PTPRT: variants seen among roughly 807,000 people sequenced by gnomAD.
The protein encoded by PTPRT is protein tyrosine phosphatase receptor type T.
Under a neutral mutation model 176.8 loss-of-function variants are expected in PTPRT, and 56 were observed. The observed-to-expected ratio is 0.32, with a 90% CI of 0.26 to 0.40. The LOEUF is 0.40. Ranked by LOEUF, PTPRT falls within the 10% of genes least tolerant of loss-of-function variation. The pLI is 1.00. For missense variants in PTPRT, 1,540 were observed against 1,908.2 expected, an observed-to-expected ratio of 0.81 and a Z score of 3.60; for synonymous variants, 783 against 739.0, an observed-to-expected ratio of 1.06 and a Z score of -0.96.
intron 2 of PTPRT, among the ~76,000 whole-genome samples, chr20:42,860,220 C>T (rs1489082995): frequency 6.6e-6 from 1 of 152,186 alleles, no homozygotes; most frequent in Non-Finnish European, 1.5e-5. Flanking sequence ...CACACACACA[C>T]AAACACACAC....
In PTPRT at chr20:42,079,995, T is replaced by C. The variant is rs1210921361; in HGVS notation, c.*884A>G. On this transcript the variant is annotated 3_prime_UTR_variant, in exon 31 of 31. Transcript: ENST00000373187. Reference sequence around the variant, plus strand: ...AAGAAAGTTTCTTTTCACATACACTTTGGAAAATAATCAAATCTTATCTTG... The same window carrying C: ...AAGAAAGTTTCTTTTCACATACACTCTGGAAAATAATCAAATCTTATCTTG... 1 of 232,176 alleles carries C rather than the reference T, an allele frequency of 4.3e-6. No homozygotes were observed. The highest frequency in any genetic ancestry group is 2.2e-5 in the African/African-American group (1 of 45,256). 14.4% of individuals were successfully genotyped at this position (232,176 alleles called of 1,614,324 possible). A position where few individuals can be genotyped will look rare whatever the true frequency, so the allele number is the denominator to read the frequency against.
chr20:42,734,820 A>G (rs1472279292), intron 6 of PTPRT, among the ~76,000 whole-genome samples: 1 of 152,194 alleles, frequency 6.6e-6, no homozygotes, highest in African/African-American at 2.4e-5. Context: ...GGATGGCAGC[A>G]GGCAACAGAG....
intron 7 of PTPRT, among the ~76,000 whole-genome samples, chr20:42,550,957 C>T (rs1457504139): frequency 6.6e-6 from 1 of 152,100 alleles, no homozygotes; most frequent in South Asian, 2.1e-4. Context: ...ATGTGGTCAT[C>T]GGAATTGGAC....
chr20:42,827,773 C>A (rs531238872), intron 2 of PTPRT, among the ~76,000 whole-genome samples: 11 of 124,222 alleles, frequency 8.9e-5, no homozygotes, highest in Admixed American at 7.7e-4. Flanking sequence ...AAGGAGATGG[C>A]CCCCTTTTTC....
intron 7 of PTPRT, among the ~76,000 whole-genome samples, chr20:42,593,638 C>A (rs2073618558): frequency 6.6e-6 from 1 of 152,178 alleles, no homozygotes; most frequent in Non-Finnish European, 1.5e-5. Context: ...TGCTTGGAAT[C>A]ACATTAAGAT....
At chr20:42,507,879 T>A (rs2071876086) in intron 7 of PTPRT, among the ~76,000 whole-genome samples, 1 of 148,314 alleles carries the variant, frequency 6.7e-6, no homozygotes, top group African/African-American at 2.5e-5. Flanking sequence ...CAGCACAAAA[T>A]AACCTTCTAG....
Position 42,345,425 on chromosome 20 carries a change from CAT to C in PTPRT, c.1865+5201_1865+5202del, listed in dbSNP as rs529632218. Among the ~76,000 whole-genome samples the C allele has an allele frequency of 2.5e-3, 362 of 146,558 alleles. 2 individuals are homozygous for C. The highest frequency in any genetic ancestry group is 8.6e-3 in the African/African-American group (342 of 39,694). ...TATAAAACTAGTTACTATAGATATA[CAT>C]ATATATATAAAACTAGTTACTATAG... is the stretch of plus-strand genomic sequence containing the variant. On this transcript the variant is annotated intron_variant, in intron 11 of 30. Coordinates refer to ENST00000373187, the MANE Select transcript of PTPRT (RefSeq NM_007050.6).
chr20:42,868,195 T>C (rs941993058), intron 2 of PTPRT, among the ~76,000 whole-genome samples: 2 of 152,120 alleles, frequency 1.3e-5, no homozygotes, highest in Admixed American at 6.5e-5. Context: ...CTGGCAAAGG[T>C]TCAAAAGAAG....
At chr20:42,563,274 A>G (rs952808429) in intron 7 of PTPRT, among the ~76,000 whole-genome samples, 3 of 152,206 alleles carry the variant, frequency 2.0e-5, no homozygotes, top group Admixed American at 6.5e-5. Flanking sequence ...AAGGTCCAAT[A>G]AGCAAGAAAA....
intron 2 of PTPRT, among the ~76,000 whole-genome samples, chr20:42,861,838 G>A (rs2078666648): frequency 6.6e-6 from 1 of 151,990 alleles, no homozygotes; most frequent in Non-Finnish European, 1.5e-5. Flanking sequence ...CTTGAGACAG[G>A]AGAGAGCCTG....
intron 2 of PTPRT, among the ~76,000 whole-genome samples, chr20:42,809,131 AG>A (rs1360986668): frequency 6.6e-6 from 1 of 152,156 alleles, no homozygotes; most frequent in Non-Finnish European, 1.5e-5. Context: ...GAGATTAGTT[AG>A]GGGGTTGAAT....
chr20:42,469,599 G>A (rs758380127), intron 8 of PTPRT, among the ~76,000 whole-genome samples: 2 of 152,132 alleles, frequency 1.3e-5, no homozygotes, highest in South Asian at 2.1e-4. Flanking sequence ...GTCTGACAGC[G>A]CACAATTCTA....
intron 1 of PTPRT, among the ~76,000 whole-genome samples, chr20:43,120,553 G>A (rs1397609227): frequency 6.6e-6 from 1 of 152,226 alleles, no homozygotes; most frequent in African/African-American, 2.4e-5. Context: ...TTGCAGGCGT[G>A]AGCCACCACA....
intron 7 of PTPRT, among the ~76,000 whole-genome samples, chr20:42,622,951 A>G (rs977694981): frequency 2.0e-5 from 3 of 152,168 alleles, no homozygotes; most frequent in African/African-American, 2.4e-5. Context: ...ATGTCCCCCT[A>G]TCTTGCATCC....
intron 7 of PTPRT, among the ~76,000 whole-genome samples, chr20:42,614,622 C>T (rs2074034574): frequency 6.6e-6 from 1 of 152,138 alleles, no homozygotes; most frequent in Admixed American, 6.6e-5. Context: ...AATGATCTTA[C>T]CTCCTACTTC....
At chr20:42,050,864 C>G in the PTPRT span, among the ~76,000 whole-genome samples, 1 of 152,180 alleles carries the variant, frequency 6.6e-6, no homozygotes, top group Non-Finnish European at 1.5e-5. Flanking sequence ...CTGGCTATTA[C>G]TGACATGTCA....
chr20:42,640,549 C>A (rs2074719869), intron 7 of PTPRT, among the ~76,000 whole-genome samples: 2 of 152,044 alleles, frequency 1.3e-5, no homozygotes, highest in South Asian at 4.2e-4. Flanking sequence ...TTACCATGCC[C>A]AGCTAATTTT....
intron 9 of PTPRT, among the ~76,000 whole-genome samples, chr20:42,366,511 T>C (rs1461133311): frequency 2.0e-5 from 3 of 152,234 alleles, no homozygotes; most frequent in Admixed American, 6.5e-5. Context: ...TACCTTGTCA[T>C]TGACCACTCT....
chr20:43,035,096 T>G (rs1189204436), intron 1 of PTPRT, among the ~76,000 whole-genome samples: 4 of 152,162 alleles, frequency 2.6e-5, no homozygotes. Context: ...TTGGCTGGGC[T>G]TGGGCACCCA....
Sources: allele counts gnomAD v4.1 joint callset (sites outside exome capture counted in the v4.1 genomes callset), GRCh38; gene constraint gnomAD v4.1.1; transcripts MANE v1.5; gene names NCBI Gene and HGNC (gene_info 2026-07-23, HGNC 2026-07-21).